PDZRN3: variants seen among roughly 807,000 people sequenced by gnomAD.
The protein encoded by PDZRN3 is PDZ domain containing ring finger 3, also known as E3 ubiquitin-protein ligase PDZRN3.
PDZRN3 carries 38 observed loss-of-function variants against 85.7 expected under a neutral mutation model. That is an observed-to-expected ratio of 0.44 (90% confidence interval 0.34 to 0.58). The LOEUF (loss-of-function observed/expected upper bound fraction) is 0.58, where lower values mean the gene tolerates loss of function less well. Ranked by LOEUF, PDZRN3 falls within the 20% of genes least tolerant of loss-of-function variation. The pLI, the probability that PDZRN3 is intolerant of heterozygous loss-of-function variation, is 0.01. For synonymous variants in PDZRN3, 759 were observed against 638.0 expected, an observed-to-expected ratio of 1.19 and a Z score of -2.86; for missense variants, 1,629 against 1,506.4, an observed-to-expected ratio of 1.08 and a Z score of -1.35.
At chr3:73,420,086 C>T (rs778921495) in intron 3 of PDZRN3, among the ~76,000 whole-genome samples, 1 of 152,190 alleles carries the variant, frequency 6.6e-6, no homozygotes, top group African/African-American at 2.4e-5. Context: ...TCTCTGGATA[C>T]GAGACAGTGT....
intron 3 of PDZRN3, among the ~76,000 whole-genome samples, chr3:73,514,359 A>G (rs892555790): frequency 4.6e-5 from 7 of 152,194 alleles, no homozygotes; most frequent in Non-Finnish European, 8.8e-5. Context: ...TAATCTGTGC[A>G]TGTGTGTAAC....
intron 3 of PDZRN3, among the ~76,000 whole-genome samples, chr3:73,493,922 G>A (rs1185987516): frequency 2.6e-5 from 4 of 152,294 alleles, no homozygotes; most frequent in Admixed American, 2.6e-4. Flanking sequence ...TGAGAAGAAC[G>A]TGCCCCAAAA....
chr3:73,537,001 C>G (rs182446199), intron 3 of PDZRN3, among the ~76,000 whole-genome samples: 1 of 152,284 alleles, frequency 6.6e-6, no homozygotes, highest in East Asian at 1.9e-4. Flanking sequence ...TTGCCATGAC[C>G]TTCTGCCCTG....
intron 3 of PDZRN3, among the ~76,000 whole-genome samples, chr3:73,466,095 G>A (rs565947533): frequency 1.2e-4 from 19 of 152,322 alleles, no homozygotes; most frequent in Non-Finnish European, 2.5e-4. Flanking sequence ...TCTCCTTGCA[G>A]AGCCTGATGT....
At chr3:73,551,703 A>G in intron 3 of PDZRN3, among the ~76,000 whole-genome samples, 1 of 151,502 alleles carries the variant, frequency 6.6e-6, no homozygotes, top group South Asian at 2.1e-4. Flanking sequence ...AAAAAAAAAA[A>G]AAAAAGGAAA....
chr3:73,570,158 T>C (rs1351910023), intron 3 of PDZRN3, among the ~76,000 whole-genome samples: 1 of 152,176 alleles, frequency 6.6e-6, no homozygotes, highest in Non-Finnish European at 1.5e-5. Context: ...ACTCTTGTAT[T>C]CTTCTCTGCT....
intron 3 of PDZRN3, among the ~76,000 whole-genome samples, chr3:73,442,865 A>T (rs1265871742): frequency 6.6e-6 from 1 of 152,112 alleles, no homozygotes; most frequent in African/African-American, 2.4e-5. Context: ...GGCCACTTTC[A>T]GCTGGAGTAC....
At chr3:73,436,368 G>A (rs942193108) in intron 3 of PDZRN3, among the ~76,000 whole-genome samples, 9 of 152,120 alleles carry the variant, frequency 5.9e-5, no homozygotes, top group South Asian at 2.1e-4. Context: ...TGACCTGTGC[G>A]GTCTCACAGA....
chr3:73,461,689 T>C (rs1703106787), intron 3 of PDZRN3, among the ~76,000 whole-genome samples: 1 of 152,226 alleles, frequency 6.6e-6, no homozygotes, highest in Non-Finnish European at 1.5e-5. Flanking sequence ...GCCATTTAGA[T>C]GGTTTTGCGG....
chr3:73,413,398 A>G (rs1028608359), intron 3 of PDZRN3, among the ~76,000 whole-genome samples: 2 of 152,210 alleles, frequency 1.3e-5, no homozygotes, highest in African/African-American at 4.8e-5. Context: ...AGGATATGAC[A>G]CTGAACGCCA....
intron 3 of PDZRN3, among the ~76,000 whole-genome samples, chr3:73,467,349 G>A (rs1461644080): frequency 6.6e-6 from 1 of 152,140 alleles, no homozygotes; most frequent in Non-Finnish European, 1.5e-5. Flanking sequence ...TTTTGTTTCA[G>A]TATACTCAAT....
rs149996858 is a variant in PDZRN3 at position 73,551,146 on chromosome 3, T to A, written c.918+51208A>T. ...AGGGCCAAAGGTGTAATATTGCCAA[T>A]TTTTAATTTAGGTTTAATTTTGTCA... is the stretch of plus-strand genomic sequence containing the variant. On this transcript the variant is annotated intron_variant, in intron 3 of 9. Transcript: ENST00000263666. Among the ~76,000 whole-genome samples, 640 of 152,318 alleles carry A rather than the reference T, an allele frequency of 4.2e-3. 3 individuals are homozygous for A. Among genetic ancestry groups the A allele is most frequent in the African/African-American group, 0.014 (600 of 41,584 alleles).
At chr3:73,424,622 G>C (rs1433350192) in intron 3 of PDZRN3, among the ~76,000 whole-genome samples, 1 of 151,690 alleles carries the variant, frequency 6.6e-6, no homozygotes, top group Non-Finnish European at 1.5e-5. Flanking sequence ...CATCAGAGGG[G>C]TTGGTATCCA....
rs935674480 is a variant in PDZRN3 at position 73,383,103 on chromosome 3, A to G, written c.*262T>C. On this transcript the variant is annotated 3_prime_UTR_variant, in exon 10 of 10. Coordinates refer to ENST00000263666, the MANE Select transcript of PDZRN3 (RefSeq NM_015009.3). ...TCTGAAATTTAAACACTTTATGTAA[A>G]AGGGTACAGGTAGAAAAGTACAATT... 4.0e-5 allele frequency: 15 copies of G among 374,822 alleles called. No homozygotes were observed. Among genetic ancestry groups the G allele is most frequent in the Non-Finnish European group, 7.1e-5 (15 of 210,392 alleles). 23.2% of individuals were successfully genotyped at this position (374,822 alleles called of 1,614,324 possible).
intron 3 of PDZRN3, among the ~76,000 whole-genome samples, chr3:73,420,304 G>A (rs1032843782): frequency 6.6e-6 from 1 of 152,172 alleles, no homozygotes; most frequent in Non-Finnish European, 1.5e-5. Flanking sequence ...TGCTGGCTGC[G>A]CTGGTGCATT....
chr3:73,426,764 C>T (rs1018457691), intron 3 of PDZRN3, among the ~76,000 whole-genome samples: 5 of 152,182 alleles, frequency 3.3e-5, no homozygotes, highest in Non-Finnish European at 7.3e-5. Context: ...GGCCCCACCC[C>T]AGCGTTTCTG....
chr3:73,545,841 A>G (rs1701410364), intron 3 of PDZRN3, among the ~76,000 whole-genome samples: 1 of 152,070 alleles, frequency 6.6e-6, no homozygotes, highest in South Asian at 2.1e-4. Flanking sequence ...CCACATTAGA[A>G]GGGTTGTTCT....
At chr3:73,452,779 T>A (rs1045614623) in intron 3 of PDZRN3, among the ~76,000 whole-genome samples, 9 of 151,668 alleles carry the variant, frequency 5.9e-5, no homozygotes, top group African/African-American at 2.2e-4. Context: ...TACAGTTGAA[T>A]AATATTTTAA....
At chr3:73,516,866 CTGTGCTCATG>C (rs1704265518) in intron 3 of PDZRN3, among the ~76,000 whole-genome samples, 1 of 152,186 alleles carries the variant, frequency 6.6e-6, no homozygotes, top group Non-Finnish European at 1.5e-5. Flanking sequence ...CTGGTGCTGG[CTGTGCTCATG>C]TGCCTATGGA....
Sources: allele counts gnomAD v4.1 joint callset (sites outside exome capture counted in the v4.1 genomes callset), GRCh38; gene constraint gnomAD v4.1.1; transcripts MANE v1.5; gene names NCBI Gene and HGNC (gene_info 2026-07-23, HGNC 2026-07-21).